The following PRKG2 variants were observed in gnomAD, a reference collection of about 807,000 sequenced individuals.
PRKG2 encodes the protein protein kinase cGMP-dependent 2.
In PRKG2, 33 loss-of-function variants were observed where a neutral mutation model predicts 97.2. That is an observed-to-expected ratio of 0.34 (90% confidence interval 0.26 to 0.45). The LOEUF (loss-of-function observed/expected upper bound fraction) is 0.45. Ranked by LOEUF, PRKG2 falls within the 20% of genes least tolerant of loss-of-function variation. The pLI is 1.00. For missense variants in PRKG2, 638 were observed against 900.0 expected, an observed-to-expected ratio of 0.71 and a Z score of 3.73; for synonymous variants, 330 against 321.8, an observed-to-expected ratio of 1.03 and a Z score of -0.27.
intron 2 of PRKG2, among the ~76,000 whole-genome samples, chr4:81,183,797 G>A (rs1751635894): frequency 6.6e-6 from 1 of 152,138 alleles, no homozygotes; most frequent in South Asian, 2.1e-4. Context: ...GAACACTCGA[G>A]CTTAGTGGGG....
chr4:81,165,066 C>T (rs1057327448), intron 6 of PRKG2: 8 of 152,260 alleles, frequency 5.3e-5, no homozygotes, highest in African/African-American at 1.9e-4. Flanking sequence ...CTATATCATG[C>T]TTTACAGTTC....
At chr4:81,175,066 C>T in intron 2 of PRKG2, 107 bp from the exon 3 acceptor site, 1 of 1,117,704 alleles carries the variant, frequency 8.9e-7, no homozygotes, top group Non-Finnish European at 1.2e-6. Context: ...AAACTTATAA[C>T]TTTCTAGCAA....
At chr4:81,143,834 C>A (rs1747539473) in intron 10 of PRKG2, among the ~76,000 whole-genome samples, 1 of 152,108 alleles carries the variant, frequency 6.6e-6, no homozygotes, top group African/African-American at 2.4e-5. Flanking sequence ...TACCCAACCC[C>A]CTCCTCCACA....
At chr4:81,114,445 T>A (rs1744298838) in intron 14 of PRKG2, among the ~76,000 whole-genome samples, 1 of 152,128 alleles carries the variant, frequency 6.6e-6, no homozygotes, top group Admixed American at 6.6e-5. Context: ...TCAAAGGGAA[T>A]CTTCTTATAT....
intron 10 of PRKG2, among the ~76,000 whole-genome samples, chr4:81,143,287 T>C (rs1438909641): frequency 2.0e-5 from 3 of 152,138 alleles, no homozygotes; most frequent in East Asian, 1.9e-4. Context: ...AAAATATATA[T>C]ACCTCAAAAA....
intron 9 of PRKG2, among the ~76,000 whole-genome samples, chr4:81,144,966 C>T (rs1434886063): frequency 2.0e-5 from 3 of 151,944 alleles, no homozygotes; most frequent in Admixed American, 2.0e-4. Context: ...CACAGTATTC[C>T]GTGGTGTATA....
At chr4:81,110,764 G>GAGAC (rs10667739) in intron 14 of PRKG2, among the ~76,000 whole-genome samples, 153 bp from the exon 15 acceptor site, 106,172 of 146,148 alleles carry the variant, frequency 0.73, 40,716 homozygotes, top group Non-Finnish European at 0.85. Flanking sequence ...GAGAGAGAGA[G>GAGAC]AGACAGACAG....
chr4:81,103,124 C>A (rs746876064), intron 17 of PRKG2, among the ~76,000 whole-genome samples: 7 of 152,066 alleles, frequency 4.6e-5, no homozygotes, highest in Non-Finnish European at 8.8e-5. Flanking sequence ...AGGTTTGAAC[C>A]GCCACATTTG....
At chr4:81,124,909 T>C (rs980762658) in intron 14 of PRKG2, among the ~76,000 whole-genome samples, 1 of 152,224 alleles carries the variant, frequency 6.6e-6, no homozygotes. Flanking sequence ...CTTTACCTGA[T>C]GATTGGTGTC....
At chr4:81,157,461 C>T (rs1445274539) in intron 6 of PRKG2, among the ~76,000 whole-genome samples, 1 of 152,116 alleles carries the variant, frequency 6.6e-6, no homozygotes, top group African/African-American at 2.4e-5. Flanking sequence ...AAAAAAGAGT[C>T]CAGGACCAGA....
At chr4:81,163,863 TACACAC>T (rs5859761) in intron 6 of PRKG2, among the ~76,000 whole-genome samples, 21,880 of 144,608 alleles carry the variant, frequency 0.15, 2,866 homozygotes, top group East Asian at 0.4. Flanking sequence ...AGATGTATAG[TACACAC>T]ACACACACAC....
intron 14 of PRKG2, 49 bp downstream of exon 14, chr4:81,135,106 C>A: frequency 6.7e-7 from 1 of 1,501,868 alleles, no homozygotes; most frequent in Non-Finnish European, 9.0e-7. Context: ...ACAACTTTTG[C>A]CAGGGGAAAT....
intron 17 of PRKG2, among the ~76,000 whole-genome samples, chr4:81,101,740 T>C (rs561053875): frequency 3.0e-5 from 4 of 131,844 alleles, no homozygotes; most frequent in African/African-American, 1.1e-4. Flanking sequence ...GAGAGACAAA[T>C]AGAAAAAAGA....
At chr4:81,199,915 C>A (rs1328628101) in intron 2 of PRKG2, among the ~76,000 whole-genome samples, 1 of 152,148 alleles carries the variant, frequency 6.6e-6, no homozygotes. Context: ...GGAGTCAAAT[C>A]TGAAGTCAGA....
At position 81,144,343 on chromosome 4, in the gene PRKG2, A is replaced by C; in HGVS notation, c.1155-13T>G. On this transcript the variant is annotated splice_polypyrimidine_tract_variant and intron_variant, in intron 9 of 18. Coordinates refer to ENST00000264399, the MANE Select transcript of PRKG2 (RefSeq NM_006259.3). ...TTGGTTGAATGTTCTAAATAGATAG[A>C]ATAAAGTAAAATGCTCCGTGCTGAT... The C allele has an allele frequency of 6.3e-7, 1 of 1,577,602 alleles. No homozygotes were observed. Among genetic ancestry groups the C allele is most frequent in the Non-Finnish European group, 8.7e-7 (1 of 1,147,272 alleles).
intron 14 of PRKG2, among the ~76,000 whole-genome samples, chr4:81,114,959 ATACTC>A (rs1398707125): frequency 1.3e-5 from 2 of 152,174 alleles, no homozygotes; most frequent in African/African-American, 4.8e-5. Context: ...AATTTAATCT[ATACTC>A]TATATAGTCC....
At chr4:81,109,466 T>C (rs1743685040) in intron 15 of PRKG2, among the ~76,000 whole-genome samples, 1 of 152,124 alleles carries the variant, frequency 6.6e-6, no homozygotes, top group South Asian at 2.1e-4. Context: ...AGAAAGAAAA[T>C]TGATTTGAAT....
At chr4:81,139,090 C>G (rs1030111969) in intron 12 of PRKG2, among the ~76,000 whole-genome samples, 1 of 152,124 alleles carries the variant, frequency 6.6e-6, no homozygotes, top group Admixed American at 6.5e-5. Context: ...TGGCTTACAC[C>G]CCTACCCATG....
At chr4:81,189,073 A>AAAAAAT (rs1752215611) in intron 2 of PRKG2, among the ~76,000 whole-genome samples, 1 of 107,484 alleles carries the variant, frequency 9.3e-6, no homozygotes, top group African/African-American at 6.5e-5. Context: ...TAATAAAAAA[A>AAAAAAT]AAAAAAAAAA....
Sources: allele counts gnomAD v4.1 joint callset (sites outside exome capture counted in the v4.1 genomes callset), GRCh38; gene constraint gnomAD v4.1.1; transcripts MANE v1.5; gene names NCBI Gene and HGNC (gene_info 2026-07-23, HGNC 2026-07-21).